NCS1: variants seen among roughly 807,000 people sequenced by gnomAD.
NCS1 encodes neuronal calcium sensor 1.
A neutral mutation model predicts 28.4 loss-of-function variants in NCS1; 6 were observed. The ratio of observed to expected loss-of-function variants is 0.21; its 90% CI spans 0.12 to 0.42. The LOEUF (loss-of-function observed/expected upper bound fraction) is 0.42. Among genes scored for constraint, NCS1 ranks in the 10% least tolerant of loss-of-function variants. The pLI is 1.00. For synonymous variants in NCS1, 86 were observed against 99.3 expected (o/e 0.87, Z 0.79); for missense variants, 131 against 241.4 (o/e 0.54, Z 3.03).
intron 1 of NCS1, among the ~76,000 whole-genome samples, chr9:130,197,492 T>G (rs923648164): frequency 6.6e-6 from 1 of 152,190 alleles, no homozygotes; most frequent in African/African-American, 2.4e-5. Flanking sequence ...CACGTTCCTC[T>G]GGTCGCCTCT....
intron 1 of NCS1, among the ~76,000 whole-genome samples, chr9:130,194,501 T>C (rs1438947258): frequency 2.6e-5 from 4 of 151,756 alleles, no homozygotes; most frequent in African/African-American, 9.7e-5. Flanking sequence ...TGAAGGGGAG[T>C]AGAGTGGATG....
At chr9:130,183,305 C>CT (rs1431726862) in intron 1 of NCS1, among the ~76,000 whole-genome samples, 10 of 134,846 alleles carry the variant, frequency 7.4e-5, no homozygotes, top group African/African-American at 1.9e-4. Context: ...GACCATGCGG[C>CT]TGGGGGGGGG....
At chr9:130,179,428 A>G (rs781886672) in intron 1 of NCS1, among the ~76,000 whole-genome samples, 2 of 152,170 alleles carry the variant, frequency 1.3e-5, no homozygotes, top group African/African-American at 2.4e-5. Flanking sequence ...TCCTCCTCCC[A>G]TATTGAAAAT....
rs781858632 is a variant in NCS1, at chr9:130,201,032, T to TTGTGGGC, written c.89+60_89+66dup. 2.2e-5 allele frequency: 36 copies of TTGTGGGC among 1,612,654 alleles called. No individual in the cohort carries two copies. The East Asian group carries it at 6.9e-4, about 31-fold the overall frequency. On this transcript the variant is annotated intron_variant, in intron 2 of 7. Transcript: ENST00000372398. ...CGTAGAGGGGCTGCGGCTGTGGGCT[T>TTGTGGGC]TGTGGGCTGTGGGCTGATGGGGACA...
At chr9:130,194,667 AC>A (rs1832856975) in intron 1 of NCS1, among the ~76,000 whole-genome samples, 1 of 152,076 alleles carries the variant, frequency 6.6e-6, no homozygotes, top group East Asian at 1.9e-4. Context: ...GTTTGGAATC[AC>A]CCAGGCTTCA....
rs1392307259 is a variant in NCS1, at chr9:130,177,961, T to G, written c.64+5234T>G. 6.6e-6 allele frequency among the ~76,000 whole-genome samples: 1 copy of G among 152,202 alleles called. No individual in the cohort carries two copies. The highest frequency in any genetic ancestry group is 1.5e-5 in the Non-Finnish European group (1 of 68,042). On this transcript the variant is annotated intron_variant, in intron 1 of 7. Coordinates refer to ENST00000372398, the MANE Select transcript of NCS1 (RefSeq NM_014286.4). This position sits in a 1 kb window ranked among gnomAD's most constrained non-coding sequence, Gnocchi z 4.4. ...GGGCAGTTTTGGAAGGCCTCAGTGT[T>G]GAGGAGGATTCGGGGCATATGAAGG...
Position 130,232,107 on chromosome 9 carries a change from C to T in NCS1, c.*18-883C>T, listed in dbSNP as rs534458923. ...AATTATAGGTGTGCGCAGCCACGTC[C>T]GGCTAATTTTTGTATTTTTGGTAGA... On this transcript the variant is annotated intron_variant, in intron 7 of 7. Transcript: ENST00000372398. The surrounding 1 kb of genome is among the most constrained non-coding windows in gnomAD (Gnocchi z 4.4). Among the ~76,000 whole-genome samples, 23 of 152,164 alleles carry T rather than the reference C, an allele frequency of 1.5e-4. No homozygotes were observed. In the South Asian group the frequency reaches 4.4e-3, roughly 29 times the overall value.
intron 2 of NCS1, among the ~76,000 whole-genome samples, chr9:130,205,702 G>A (rs1833015483): frequency 6.6e-6 from 1 of 151,682 alleles, no homozygotes. Flanking sequence ...GCTGGACATG[G>A]TGGCACATGC....
Position 130,181,292 on chromosome 9 carries a change from C to T in NCS1, c.64+8565C>T, listed in dbSNP as rs1040761962. Among the ~76,000 whole-genome samples the T allele has an allele frequency of 3.3e-5, 5 of 152,092 alleles. No homozygotes were observed. Among genetic ancestry groups the T allele is most frequent in the African/African-American group, 4.8e-5 (2 of 41,392 alleles). ...ATAAGGGACTTCTACTACACAGAGCCGTGTGCGGGGTTAGGAATAACAGAC... is the reference window on the plus strand; with the variant it reads ...ATAAGGGACTTCTACTACACAGAGCTGTGTGCGGGGTTAGGAATAACAGAC... On this transcript the variant is annotated intron_variant, in intron 1 of 7. Transcript: ENST00000372398. The surrounding 1 kb of genome is among the most constrained non-coding windows in gnomAD (Gnocchi z 5.0).
chr9:130,225,835 G>A (rs914383155), intron 6 of NCS1, among the ~76,000 whole-genome samples: 7 of 152,118 alleles, frequency 4.6e-5, no homozygotes, highest in African/African-American at 1.4e-4. Context: ...CTTGTGGTCC[G>A]CCGGCTTCCT....
chr9:130,178,680 T>C (rs1347770607), intron 1 of NCS1, among the ~76,000 whole-genome samples: 1 of 151,422 alleles, frequency 6.6e-6, no homozygotes, highest in Admixed American at 6.6e-5. Flanking sequence ...TTTAGAAAAA[T>C]TGTTGTTGGC....
chr9:130,225,025 C>G (rs782318980), intron 6 of NCS1, among the ~76,000 whole-genome samples: 1 of 152,108 alleles, frequency 6.6e-6, no homozygotes, highest in Non-Finnish European at 1.5e-5. Flanking sequence ...AACCCCGACT[C>G]TACAAAAAAT....
At position 130,219,890 on chromosome 9, in the gene NCS1, G is replaced by T. The variant is rs1022331500; in HGVS notation, c.307+87G>T. 294 of 1,384,404 alleles carry T rather than the reference G, an allele frequency of 2.1e-4. No individual in the cohort carries two copies. The highest frequency in any genetic ancestry group is 2.4e-4 in the Non-Finnish European group (233 of 977,206). The allele number at this position is 1,384,404 out of a possible 1,614,324, so 85.8% of individuals were successfully genotyped here. A position where few individuals can be genotyped will look rare whatever the true frequency, so the allele number is the denominator to read the frequency against. On this transcript the variant is annotated intron_variant, in intron 4 of 7. Transcript: ENST00000372398. The surrounding 1 kb of genome is among the most constrained non-coding windows in gnomAD (Gnocchi z 5.7). ...AGCCCTCGGCCCTCACCAGGCAGGG[G>T]TGCCAGACACCCACTGCAGTGACCA...
chr9:130,229,304 G>A (rs1263865187), intron 7 of NCS1, among the ~76,000 whole-genome samples: 1 of 150,818 alleles, frequency 6.6e-6, no homozygotes, highest in East Asian at 1.9e-4. Context: ...TCCCAGGCTG[G>A]AGTGCAGTGG....
chr9:130,216,433 C>T (rs535017763), intron 2 of NCS1, among the ~76,000 whole-genome samples: 91 of 152,140 alleles, frequency 6.0e-4, no homozygotes, highest in African/African-American at 2.0e-3. Flanking sequence ...TGGGCTTCCT[C>T]GGCCGGGCAC....
chr9:130,198,100 T>C (rs1832898770), intron 1 of NCS1, among the ~76,000 whole-genome samples: 3 of 152,110 alleles, frequency 2.0e-5, no homozygotes, highest in Admixed American at 2.0e-4. Context: ...GCTTAAAGCA[T>C]GGGCAGGACT....
chr9:130,200,589 C>T (rs781903109), intron 1 of NCS1: 81 of 1,551,668 alleles, frequency 5.2e-5, no homozygotes, highest in Non-Finnish European at 6.6e-5. Flanking sequence ...ATCCCGTCCC[C>T]AGGGATTGAG....
intron 1 of NCS1, chr9:130,200,635 G>T: frequency 2.6e-6 from 4 of 1,551,846 alleles, no homozygotes; most frequent in Non-Finnish European, 3.5e-6. Context: ...GTTGGCCTGG[G>T]AGCAAGGGCT....
In NCS1 at chr9:130,181,545, G is replaced by T. The variant is rs1337194153; in HGVS notation, c.64+8818G>T. ...TTACAGATGAGGAAATGGAGGCTCA[G>T]AGTGGATGAGAGCTGGCTCATGGTC... On this transcript the variant is annotated intron_variant, in intron 1 of 7. Transcript: ENST00000372398. The surrounding 1 kb of genome is among the most constrained non-coding windows in gnomAD (Gnocchi z 5.0). 6.6e-6 allele frequency among the ~76,000 whole-genome samples: 1 copy of T among 152,206 alleles called. No individual in the cohort carries two copies. The highest frequency in any genetic ancestry group is 6.5e-5 in the Admixed American group (1 of 15,284).
Sources: gnomAD v4.1 joint callset for allele counts (sites outside exome capture counted in the v4.1 genomes callset) on GRCh38, gnomAD v4.1.1 for gene constraint, Gnocchi (gnomAD v3.1) non-coding constraint, MANE v1.5 for transcripts, NCBI Gene and HGNC (gene_info 2026-07-23, HGNC 2026-07-21) for gene names.